ATF7IP: variants seen among roughly 807,000 people sequenced by gnomAD.
ATF7IP encodes activating transcription factor 7-interacting protein 1.
In ATF7IP, 23 loss-of-function variants were observed where a neutral mutation model predicts 106.4. The ratio of observed to expected loss-of-function variants is 0.22; its 90% CI spans 0.16 to 0.31. ATF7IP has a LOEUF of 0.31. Ranked by LOEUF, ATF7IP falls within the 10% of genes least tolerant of loss-of-function variation. The pLI is 1.00. For missense variants in ATF7IP, 1,334 were observed against 1,524.3 expected (o/e 0.88, Z 2.08); for synonymous variants, 542 against 539.0 (o/e 1.01, Z -0.08).
At chr12:14,487,302 C>G (rs569039323) in intron 13 of ATF7IP, among the ~76,000 whole-genome samples, 1 of 150,662 alleles carries the variant, frequency 6.6e-6, no homozygotes, top group South Asian at 2.1e-4. Flanking sequence ...GAACTCAAAA[C>G]AGTTCTCTGA....
intron 1 of ATF7IP, chr12:14,369,145 G>A (rs988347503): frequency 4.8e-5 from 7 of 145,776 alleles, no homozygotes; most frequent in African/African-American, 1.0e-4. Context: ...AATAAACAAA[G>A]CCTCATTATG....
chr12:14,467,284 A>G (rs1249326320), intron 10 of ATF7IP, among the ~76,000 whole-genome samples: 1 of 152,144 alleles, frequency 6.6e-6, no homozygotes, highest in Non-Finnish European at 1.5e-5. Flanking sequence ...AATCTCGAGC[A>G]TGTCAGGCAT....
chr12:14,431,944 C>T (rs900691188), intron 2 of ATF7IP, among the ~76,000 whole-genome samples: 1 of 152,156 alleles, frequency 6.6e-6, no homozygotes, highest in African/African-American at 2.4e-5. Context: ...TTACAAAAAA[C>T]TCTAGCAACT....
At chr12:14,494,419 T>G (rs1944943358) in intron 13 of ATF7IP, among the ~76,000 whole-genome samples, 2 of 143,234 alleles carry the variant, frequency 1.4e-5, no homozygotes, top group African/African-American at 2.5e-5. Context: ...TAATAGGATA[T>G]ATATATTTTA....
chr12:14,407,760 T>C (rs1467539285), intron 1 of ATF7IP, among the ~76,000 whole-genome samples: 1 of 152,110 alleles, frequency 6.6e-6, no homozygotes, highest in Admixed American at 6.6e-5. Flanking sequence ...TTCTAACTGA[T>C]AGAAATTATT....
intron 5 of ATF7IP, among the ~76,000 whole-genome samples, chr12:14,438,532 G>A (rs1291247662): frequency 6.6e-6 from 1 of 151,522 alleles, no homozygotes; most frequent in Non-Finnish European, 1.5e-5. Context: ...TTTGAGGGCT[G>A]TGCTGTGAGG....
At chr12:14,482,600 A>G (rs997610114) in intron 13 of ATF7IP, 1 of 152,076 alleles carries the variant, frequency 6.6e-6, no homozygotes, top group Non-Finnish European at 1.5e-5. Context: ...CTTTGTATTC[A>G]TTGATAGCTG....
intron 1 of ATF7IP, among the ~76,000 whole-genome samples, chr12:14,417,214 T>C (rs1366534857): frequency 1.3e-5 from 2 of 152,204 alleles, no homozygotes; most frequent in East Asian, 3.8e-4. Context: ...ATATCTCATA[T>C]AACCTTTTGT....
chr12:14,373,218 T>A (rs1291438033), intron 1 of ATF7IP, among the ~76,000 whole-genome samples: 3 of 152,164 alleles, frequency 2.0e-5, no homozygotes. Flanking sequence ...TCCTTTTAGG[T>A]GGTAAATGTC....
intron 1 of ATF7IP, among the ~76,000 whole-genome samples, 165 bp downstream of exon 1, chr12:14,365,992 C>T (rs1036255412): frequency 6.6e-6 from 1 of 152,186 alleles, no homozygotes. Flanking sequence ...CTTGCGGGGT[C>T]GGGCTCTAGC....
chr12:14,497,664 G>A lies in ATF7IP; in HGVS notation c.3404G>A (p.Arg1135His), dbSNP rs773722268. ...GACCTGTTTCTTCAGGAGCCCCCACGCCCCGTGCACCCAGCACCCTTACCA... is the reference window on the plus strand; with the variant it reads ...GACCTGTTTCTTCAGGAGCCCCCACACCCCGTGCACCCAGCACCCTTACCA... ...RPPQVHTEPP[R>H]PVHPAPLPEA... The change falls in exon 15 of 15, where the codon CGC becomes CAC. Residue 1135 changes from arginine (R) to histidine (H), a missense_variant. By Grantham distance (29) the Arg-to-His change is conservative. Transcript: ENST00000261168. The A allele has an allele frequency of 3.1e-6, 5 of 1,612,580 alleles. No homozygotes were observed. The highest frequency in any genetic ancestry group is 1.7e-5 in the Admixed American group (1 of 59,938).
chr12:14,447,310 GTC>G lies in ATF7IP; in HGVS notation c.1995+263_1995+264del, dbSNP rs543331929. Among the ~76,000 whole-genome samples, 590 of 120,536 alleles carry G rather than the reference GTC, an allele frequency of 4.9e-3. 4 individuals are homozygous for G. The highest frequency in any genetic ancestry group is 7.4e-3 in the Non-Finnish European group (455 of 61,876). 79.1% of individuals were successfully genotyped at this position (120,536 alleles called of 152,430 possible). On this transcript the variant is annotated intron_variant, in intron 6 of 14. Coordinates refer to ENST00000261168, the MANE Select transcript of ATF7IP (RefSeq NM_018179.5). ...TTTTTTTTTTTTTTTTTGAGATGGA[GTC>G]TCTCTGTCGCCCAGGCTGGAGTGCA... is the stretch of plus-strand genomic sequence containing the variant.
intron 1 of ATF7IP, among the ~76,000 whole-genome samples, chr12:14,402,428 A>G (rs750230684): frequency 1.1e-4 from 17 of 151,926 alleles, no homozygotes; most frequent in Non-Finnish European, 1.9e-4. Context: ...ATGCCTGGCT[A>G]TAGTTACTTT....
At chr12:14,387,600 A>G (rs1939309206) in intron 1 of ATF7IP, among the ~76,000 whole-genome samples, 1 of 152,178 alleles carries the variant, frequency 6.6e-6, no homozygotes, top group Non-Finnish European at 1.5e-5. Context: ...ATGAGGAAAT[A>G]CTAATGCCCT....
At chr12:14,392,070 C>T (rs1219797555) in intron 1 of ATF7IP, among the ~76,000 whole-genome samples, 1 of 152,092 alleles carries the variant, frequency 6.6e-6, no homozygotes, top group Admixed American at 6.6e-5. Context: ...TTTTCAGAAC[C>T]TCAGTTTTTC....
intron 4 of ATF7IP, among the ~76,000 whole-genome samples, chr12:14,436,730 T>C (rs888326812): frequency 6.6e-6 from 1 of 151,720 alleles, no homozygotes; most frequent in Non-Finnish European, 1.5e-5. Context: ...AGTCTATTAC[T>C]ATCCTTGATA....
chr12:14,429,634 C>T (rs962941046), intron 2 of ATF7IP, among the ~76,000 whole-genome samples: 1 of 152,128 alleles, frequency 6.6e-6, no homozygotes, highest in African/African-American at 2.4e-5. Context: ...GAATTTGAGA[C>T]TTCCTTCTAT....
intron 1 of ATF7IP, among the ~76,000 whole-genome samples, chr12:14,417,287 A>G (rs1335713517): frequency 6.6e-6 from 1 of 152,308 alleles, no homozygotes; most frequent in African/African-American, 2.4e-5. Context: ...ACCACTTAAT[A>G]TAGGTTGTCC....
At chr12:14,480,581 CA>C (rs1465323809) in intron 12 of ATF7IP, among the ~76,000 whole-genome samples, 1 of 152,116 alleles carries the variant, frequency 6.6e-6, no homozygotes, top group Admixed American at 6.5e-5. Flanking sequence ...TTTGGGAATA[CA>C]AAAATACTCT....
Sources: gnomAD v4.1 joint callset for allele counts (sites outside exome capture counted in the v4.1 genomes callset) on GRCh38, gnomAD v4.1.1 for gene constraint, MANE v1.5 for transcripts, NCBI Gene and HGNC (gene_info 2026-07-23, HGNC 2026-07-21) for gene names.